TAB1: variants seen among roughly 807,000 people sequenced by gnomAD.
TAB1 encodes TGF-beta-activated kinase 1 and MAP3K7-binding protein 1.
In TAB1, 30 loss-of-function variants were observed where a neutral mutation model predicts 54.5. The ratio of observed to expected loss-of-function variants is 0.55; its 90% CI spans 0.41 to 0.75. The LOEUF is 0.75. Among genes scored for constraint, TAB1 ranks in the 30% least tolerant of loss-of-function variants. The pLI is 0.00. For synonymous variants in TAB1, 289 were observed against 286.9 expected (o/e 1.01, Z -0.07); for missense variants, 609 against 683.2 (o/e 0.89, Z 1.21).
chr22:39,412,892 CTTTTTT>C (rs34847488), intron 1 of TAB1, among the ~76,000 whole-genome samples: 1 of 90,464 alleles, frequency 1.1e-5, no homozygotes, highest in Admixed American at 1.3e-4. Context: ...TATCCTGCAA[CTTTTTT>C]TTTTTTTTTT....
chr22:39,436,281 A>AGAC (rs758312212), downstream of TAB1, among the ~76,000 whole-genome samples: 68 of 152,028 alleles, frequency 4.5e-4, no homozygotes, highest in Admixed American at 3.3e-4. Flanking sequence ...CAACAGAGCG[A>AGAC]GACTCCGTCT....
chr22:39,425,022 G>A (rs921516536), intron 8 of TAB1, among the ~76,000 whole-genome samples: 1 of 152,108 alleles, frequency 6.6e-6, no homozygotes, highest in Non-Finnish European at 1.5e-5. Context: ...TGGGAACTGT[G>A]CTCCCATACC....
chr22:39,406,790 G>A (rs1030995586), intron 1 of TAB1, among the ~76,000 whole-genome samples: 1 of 151,922 alleles, frequency 6.6e-6, no homozygotes, highest in African/African-American at 2.4e-5. Context: ...CCACCACCAC[G>A]CCCACCTAAT....
chr22:39,404,180 T>G (rs1467632921), intron 1 of TAB1, among the ~76,000 whole-genome samples: 2 of 152,186 alleles, frequency 1.3e-5, no homozygotes, highest in Non-Finnish European at 2.9e-5. Flanking sequence ...AAGGTTTTGG[T>G]TTAAACAACA....
intron 8 of TAB1, among the ~76,000 whole-genome samples, chr22:39,422,405 T>C (rs1344815625): frequency 7.3e-6 from 1 of 136,924 alleles, no homozygotes; most frequent in East Asian, 2.0e-4. Flanking sequence ...CATTTCTTTT[T>C]TTTTTTTTTT....
chr22:39,432,097 G>T (rs576337288), downstream of TAB1, among the ~76,000 whole-genome samples: 1 of 152,150 alleles, frequency 6.6e-6, no homozygotes, highest in East Asian at 1.9e-4. Flanking sequence ...GCCCACTCTC[G>T]GACCCAGATG....
Position 39,431,435 on chromosome 22 carries a change from C to G in TAB1, c.*1213C>G. 1 of 985,570 alleles carries G rather than the reference C, an allele frequency of 1.0e-6. No homozygotes were observed. Among genetic ancestry groups the G allele is most frequent in the Non-Finnish European group, 1.2e-6 (1 of 830,024 alleles). 61.1% of individuals were successfully genotyped at this position (985,570 alleles called of 1,614,324 possible). On this transcript the variant is annotated 3_prime_UTR_variant, in exon 11 of 11. Coordinates refer to ENST00000216160, the MANE Select transcript of TAB1 (RefSeq NM_006116.3). Reference sequence around the variant, plus strand: ...AGCCATTTTGTCAGTATCCAGGACCCCCCGGATTCTCCACGCCCTCCCCAT... The same window carrying G: ...AGCCATTTTGTCAGTATCCAGGACCGCCCGGATTCTCCACGCCCTCCCCAT...
At chr22:39,416,948 A>G in intron 4 of TAB1, 71 bp downstream of exon 4, 1 of 1,450,730 alleles carries the variant, frequency 6.9e-7, no homozygotes, top group Non-Finnish European at 9.6e-7. Flanking sequence ...GGACTCATCT[A>G]CTTTCTTGAC....
rs773040622 is a variant in TAB1 at position 39,426,887 on chromosome 22, T to C, written c.1106T>C (p.Leu369Pro). The C allele has an allele frequency of 3.2e-5, 51 of 1,612,736 alleles. No individual in the cohort carries two copies. The South Asian group carries it at 5.5e-4, about 17-fold the overall frequency. The change falls in exon 9 of 11, where the codon CTG (leucine) becomes CCG (proline). Residue 369 changes from leucine to proline, a missense_variant. Leu to Pro is a moderately conservative substitution (Grantham distance 98). Transcript: ENST00000216160. Reference protein sequence around the residue: ...TLLVRNFGYPLGEMSQPTPSP... With the variant: ...TLLVRNFGYPPGEMSQPTPSP... ...CTAGTGAGGAACTTTGGCTACCCGCTGGGCGAAATGAGCCAGCCCACACCG... is the reference window on the plus strand; with the variant it reads ...CTAGTGAGGAACTTTGGCTACCCGCCGGGCGAAATGAGCCAGCCCACACCG...
intron 8 of TAB1, among the ~76,000 whole-genome samples, chr22:39,425,998 C>T (rs1364269526): frequency 2.0e-5 from 3 of 151,562 alleles, no homozygotes; most frequent in African/African-American, 7.3e-5. Context: ...GCTGGGATTA[C>T]AGGCATGTGC....
At chr22:39,412,984 G>A (rs942941816) in intron 1 of TAB1, among the ~76,000 whole-genome samples, 12 of 141,970 alleles carry the variant, frequency 8.5e-5, no homozygotes, top group African/African-American at 2.4e-4. Flanking sequence ...GCACGATCTC[G>A]GCTCACTGCA....
chr22:39,425,892 A>T (rs1391236488), intron 8 of TAB1, among the ~76,000 whole-genome samples: 12 of 131,966 alleles, frequency 9.1e-5, no homozygotes, highest in Admixed American at 4.8e-4. Flanking sequence ...TTTTTTTTTG[A>T]GACAGAGTCT....
At chr22:39,400,991 G>GCCA (rs1926111884) in intron 1 of TAB1, among the ~76,000 whole-genome samples, 2 of 143,214 alleles carry the variant, frequency 1.4e-5, no homozygotes, top group African/African-American at 2.6e-5. Flanking sequence ...CCAAGATCGG[G>GCCA]CCACTGCACT....
Position 39,415,026 on chromosome 22 carries a change from A to C in TAB1, c.54A>C (p.Thr18=). 1 of 1,614,076 alleles carries C rather than the reference A, an allele frequency of 6.2e-7. No individual in the cohort carries two copies. Among genetic ancestry groups the C allele is most frequent in the South Asian group, 1.1e-5 (1 of 91,084 alleles). ...LLQSEQQPSW[T]DDLPLCHLSG... ...CCCAGGAGCAGCAGCCAAGCTGGAC[A>C]GATGACCTGCCTCTCTGCCACCTCT... The change falls in exon 2 of 11, where the codon ACA becomes ACC. Residue 18 remains threonine, a synonymous_variant. Coordinates refer to ENST00000216160, the MANE Select transcript of TAB1 (RefSeq NM_006116.3). The surrounding 1 kb of genome is among the most constrained non-coding windows in gnomAD (Gnocchi z 4.9).
rs912589226 is a variant in TAB1, at chr22:39,430,312, C to T, written c.*90C>T. Reference sequence around the variant, plus strand: ...TAACATCTGCCTGTGCCACAACGGCCAGCAGGTGCCCCATCCTCTGCCCAC... The same window carrying T: ...TAACATCTGCCTGTGCCACAACGGCTAGCAGGTGCCCCATCCTCTGCCCAC... On this transcript the variant is annotated 3_prime_UTR_variant, in exon 11 of 11. Transcript: ENST00000216160. The T allele has an allele frequency of 5.5e-5, 86 of 1,569,806 alleles. No individual in the cohort carries two copies. The highest frequency in any genetic ancestry group is 6.7e-5 in the Non-Finnish European group (78 of 1,162,788).
At position 39,413,116 on chromosome 22, in the gene TAB1, A is replaced by G. The variant is rs60804825; in HGVS notation, c.34-1890A>G. 6.1e-3 allele frequency among the ~76,000 whole-genome samples: 932 copies of G among 151,972 alleles called. 13 individuals are homozygous for G. The highest frequency in any genetic ancestry group is 0.043 in the East Asian group (219 of 5,146). On this transcript the variant is annotated intron_variant, in intron 1 of 10. Transcript: ENST00000216160. ...TTTTTAGTAGAGATAGGGTTTCACC[A>G]TGTTAGCCAGGATGGTCTCGATCTT...
chr22:39,423,059 A>G (rs969330378), intron 8 of TAB1, among the ~76,000 whole-genome samples: 11 of 151,448 alleles, frequency 7.3e-5, no homozygotes, highest in Non-Finnish European at 1.5e-4. Context: ...TGCACCCTCA[A>G]CCTTCTGGGT....
chr22:39,408,415 C>T (rs977232670), intron 1 of TAB1, among the ~76,000 whole-genome samples: 3 of 152,260 alleles, frequency 2.0e-5, no homozygotes, highest in African/African-American at 7.2e-5. Flanking sequence ...TGCCATGACA[C>T]ACCAACGTGG....
chr22:39,407,149 A>G (rs1926401065), intron 1 of TAB1, among the ~76,000 whole-genome samples: 1 of 152,224 alleles, frequency 6.6e-6, no homozygotes, highest in South Asian at 2.1e-4. Context: ...GGGGAGACAG[A>G]CATGGTAGAA....
Sources: gnomAD v4.1 joint callset for allele counts (sites outside exome capture counted in the v4.1 genomes callset) on GRCh38, gnomAD v4.1.1 for gene constraint, Gnocchi (gnomAD v3.1) non-coding constraint, MANE v1.5 for transcripts, NCBI Gene and HGNC (gene_info 2026-07-23, HGNC 2026-07-21) for gene names.